Variants in STK31 observed in about 807,000 individuals in gnomAD.
STK31 encodes serine/threonine-protein kinase 31.
STK31 carries 89 observed loss-of-function variants against 129.7 expected under a neutral mutation model. The ratio of observed to expected loss-of-function variants is 0.69; its 90% CI spans 0.58 to 0.82. The LOEUF is 0.82. Ranked by LOEUF, STK31 falls within the 40% of genes least tolerant of loss-of-function variation. STK31 has a pLI of 0.00. For synonymous variants in STK31, 448 were observed against 395.3 expected (o/e 1.13, Z -1.58); for missense variants, 1,187 against 1,176.4 (o/e 1.01, Z -0.13).
chr7:23,755,584 T>C (rs537503739), intron 10 of STK31, among the ~76,000 whole-genome samples: 1 of 152,372 alleles, frequency 6.6e-6, no homozygotes, highest in East Asian at 1.9e-4. Flanking sequence ...CATGCCTATG[T>C]CCTGAACGCT....
chr7:23,729,460 A>T (rs1787268646), intron 6 of STK31, among the ~76,000 whole-genome samples: 1 of 151,738 alleles, frequency 6.6e-6, no homozygotes, highest in African/African-American at 2.4e-5. Flanking sequence ...TATATAATAT[A>T]TGTAAATAGT....
intron 23 of STK31, among the ~76,000 whole-genome samples, chr7:23,816,991 G>C (rs886437760): frequency 6.6e-6 from 1 of 152,084 alleles, no homozygotes; most frequent in African/African-American, 2.4e-5. Context: ...TTCAGGACCA[G>C]CCTGCCCAAC....
intron 8 of STK31, among the ~76,000 whole-genome samples, chr7:23,752,327 A>G (rs952737387): frequency 6.6e-6 from 1 of 150,466 alleles, no homozygotes; most frequent in Non-Finnish European, 1.5e-5. Context: ...GCTAGATTCT[A>G]TTATATTTTA....
At chr7:23,769,504 G>A in intron 12 of STK31, 136 bp from the exon 13 acceptor site, 1 of 594,950 alleles carries the variant, frequency 1.7e-6, no homozygotes, top group Non-Finnish European at 2.9e-6. Context: ...ATGAGGGTAG[G>A]CACTTTTTTT....
At chr7:23,803,919 G>A (rs1376650072) in intron 22 of STK31, among the ~76,000 whole-genome samples, 2 of 152,106 alleles carry the variant, frequency 1.3e-5, no homozygotes, top group Non-Finnish European at 2.9e-5. Context: ...AGGTTATTAT[G>A]GAAATCTTAA....
intron 22 of STK31, among the ~76,000 whole-genome samples, chr7:23,809,210 A>G (rs973856930): frequency 6.6e-6 from 1 of 150,392 alleles, no homozygotes; most frequent in Non-Finnish European, 1.5e-5. Context: ...CCTTGGCTGG[A>G]ACCCCTTGCA....
At chr7:23,827,262 G>T (rs111985328) in intron 23 of STK31, among the ~76,000 whole-genome samples, 6 of 152,212 alleles carry the variant, frequency 3.9e-5, no homozygotes, top group Admixed American at 2.0e-4. Flanking sequence ...GTCTTTTCAC[G>T]TAGTCCCATA....
chr7:23,721,883 T>C (rs1786725631), intron 4 of STK31: 2 of 441,198 alleles, frequency 4.5e-6, no homozygotes, highest in Admixed American at 3.3e-5. Flanking sequence ...CTGAAGCTTG[T>C]GCATGCGTCA....
At chr7:23,763,475 GT>G (rs1234277941) in intron 11 of STK31, among the ~76,000 whole-genome samples, 1 of 152,118 alleles carries the variant, frequency 6.6e-6, no homozygotes, top group African/African-American at 2.4e-5. Context: ...CCTAATAATA[GT>G]GTTTCTCTCT....
At chr7:23,791,038 A>G in intron 22 of STK31, 92 bp downstream of exon 22, 2 of 1,148,682 alleles carry the variant, frequency 1.7e-6, no homozygotes, top group Non-Finnish European at 2.2e-6. Context: ...AAAAATAAAA[A>G]GCAGCAGACT....
At chr7:23,740,065 G>A (rs1449607131) in intron 8 of STK31, among the ~76,000 whole-genome samples, 1 of 152,182 alleles carries the variant, frequency 6.6e-6, no homozygotes, top group Non-Finnish European at 1.5e-5. Context: ...ACTTTGGGCA[G>A]TGTGGCCATT....
chr7:23,735,449 A>G lies in STK31; in HGVS notation c.484-89A>G, dbSNP rs1175947043. On this transcript the variant is annotated intron_variant, in intron 6 of 23. Transcript: ENST00000355870. ...GTAATATAGAGATTTTAGAATGAAG[A>G]AATATGATGCTTGGAAAAAATGGGT... 1.1e-5 allele frequency: 13 copies of G among 1,173,632 alleles called. No homozygotes were observed. The East Asian group carries it at 2.8e-4, about 26-fold the overall frequency. The allele number at this position is 1,173,632 out of a possible 1,614,324, so 72.7% of individuals were successfully genotyped here.
chr7:23,831,180 T>A (rs961114815), intron 23 of STK31, among the ~76,000 whole-genome samples: 15 of 152,352 alleles, frequency 9.8e-5, no homozygotes, highest in East Asian at 1.9e-4. Flanking sequence ...TCAGTTTTTT[T>A]AAAATTAATT....
Position 23,737,171 on chromosome 7 carries a change from C to T in STK31, c.1017+93C>T, listed in dbSNP as rs370051959. ...ATTTTTCTGTCACTTTCCTTTCCTT[C>T]CCCACCTCATTCTCTCCTTTGCTAA... On this transcript the variant is annotated intron_variant, in intron 8 of 23. Transcript: ENST00000355870. 1.1e-4 allele frequency: 131 copies of T among 1,166,028 alleles called. 1 individual carries two copies. The African/African-American group carries it at 1.7e-3, about 15-fold the overall frequency. The allele number at this position is 1,166,028 out of a possible 1,614,324, so 72.2% of individuals were successfully genotyped here.
intron 11 of STK31, among the ~76,000 whole-genome samples, chr7:23,764,946 A>G (rs1472407843): frequency 9.3e-6 from 1 of 107,614 alleles, no homozygotes. Flanking sequence ...TTATTTTTTC[A>G]CTTAGATTTT....
chr7:23,721,800 A>G (rs1786715703), intron 4 of STK31: 3 of 613,022 alleles, frequency 4.9e-6, no homozygotes, highest in South Asian at 3.4e-5. Flanking sequence ...CTGATCCTCT[A>G]CAGGCATGAT....
chr7:23,799,200 A>G (rs1792210840), intron 22 of STK31, among the ~76,000 whole-genome samples: 1 of 152,216 alleles, frequency 6.6e-6, no homozygotes, highest in Non-Finnish European at 1.5e-5. Context: ...TGCTATCCCC[A>G]TCAAGCCACC....
chr7:23,796,927 A>T (rs1487973257), intron 22 of STK31, among the ~76,000 whole-genome samples: 1 of 133,952 alleles, frequency 7.5e-6, no homozygotes, highest in Non-Finnish European at 1.7e-5. Flanking sequence ...ATTTACCAAG[A>T]TAATGGAAAG....
At chr7:23,767,569 T>C (rs1411947251) in intron 11 of STK31, among the ~76,000 whole-genome samples, 1 of 152,158 alleles carries the variant, frequency 6.6e-6, no homozygotes, top group East Asian at 1.9e-4. Flanking sequence ...CTACCACCCT[T>C]AGATGTAAAT....
Sources: gnomAD v4.1 joint callset for allele counts (sites outside exome capture counted in the v4.1 genomes callset) on GRCh38, gnomAD v4.1.1 for gene constraint, MANE v1.5 for transcripts, NCBI Gene and HGNC (gene_info 2026-07-23, HGNC 2026-07-21) for gene names.